EXOC3L4: variants seen among roughly 807,000 people sequenced by gnomAD.
EXOC3L4 encodes exocyst complex component 3 like 4, also known as exocyst complex component 3-like protein 4.
Under a neutral mutation model 69.7 loss-of-function variants are expected in EXOC3L4, and 62 were observed. That is an observed-to-expected ratio of 0.89 (90% CI 0.72 to 1.10). The LOEUF (loss-of-function observed/expected upper bound fraction) is 1.10, where lower values mean the gene tolerates loss of function less well. Among genes scored for constraint, EXOC3L4 ranks in the 50% least tolerant of loss-of-function variants. The pLI is 0.00. For missense variants in EXOC3L4, 1,087 were observed against 1,034.8 expected (o/e 1.05, Z -0.69); for synonymous variants, 502 against 464.2 (o/e 1.08, Z -1.05).
intron 11 of EXOC3L4, among the ~76,000 whole-genome samples, chr14:103,109,200 G>GCCCCCA (rs1890766537): frequency 9.5e-5 from 5 of 52,714 alleles, no homozygotes; most frequent in East Asian, 1.1e-3. Flanking sequence ...TCGCCACCCT[G>GCCCCCA]TCCCCATGTC....
Position 103,110,229 on chromosome 14 carries a change from T to G in EXOC3L4, c.*6T>G. ...TGCTGATCACCTGCGTCTAGTTCTCTCTGGCTCGAGGGGGGGCCGGCCGCT... is the reference window on the plus strand; with the variant it reads ...TGCTGATCACCTGCGTCTAGTTCTCGCTGGCTCGAGGGGGGGCCGGCCGCT... On this transcript the variant is annotated 3_prime_UTR_variant, in exon 12 of 12. Transcript: ENST00000688303. 2 of 1,500,976 alleles carry G rather than the reference T, an allele frequency of 1.3e-6. No individual in the cohort carries two copies. The highest frequency in any genetic ancestry group is 1.8e-6 in the Non-Finnish European group (2 of 1,123,872). 93.0% of individuals were successfully genotyped at this position (1,500,976 alleles called of 1,614,324 possible). A position where few individuals can be genotyped will look rare whatever the true frequency, so the allele number is the denominator to read the frequency against.
rs773662221 is a variant in EXOC3L4 at position 103,100,335 on chromosome 14, A to G, written c.116A>G (p.Asn39Ser). 15 of 1,596,716 alleles carry G rather than the reference A, an allele frequency of 9.4e-6. No individual in the cohort carries two copies. Among genetic ancestry groups the G allele is most frequent in the South Asian group, 2.3e-5 (2 of 88,860 alleles). Residue 39 changes from asparagine (N) to serine (S), a missense_variant, in exon 2 of 12, where the codon AAT becomes AGT. Asn to Ser is a conservative substitution (Grantham distance 46). Coordinates refer to ENST00000688303, the MANE Select transcript of EXOC3L4 (RefSeq NM_001077594.2). ...SRRTSSRKEP[N>S]AHRKDGTRLG... ...CGAACAAGCAGCAGGAAAGAGCCCA[A>G]TGCCCACCGCAAGGATGGCACAAGG...
At chr14:103,103,882 G>A (rs1890368811) in intron 3 of EXOC3L4, 59 bp from the exon 4 acceptor site, 23 of 1,201,032 alleles carry the variant, frequency 1.9e-5, no homozygotes, top group Non-Finnish European at 2.6e-5. Context: ...GCCAGAAGAG[G>A]GGCAGCGGCT....
chr14:103,102,366 G>A lies in EXOC3L4; in HGVS notation c.643G>A (p.Ala215Thr). ...GVDAAALAEL[A>T]RVVSAEEEAH... Reference sequence around the variant, plus strand: ...GGACGCGGCCGCGCTGGCCGAGCTGGCCCGCGTGGTGAGCGCGGAGGAGGA... The same window carrying A: ...GGACGCGGCCGCGCTGGCCGAGCTGACCCGCGTGGTGAGCGCGGAGGAGGA... Residue 215 changes from alanine to threonine, a missense_variant, in exon 3 of 12, where the codon GCC (alanine) becomes ACC (threonine). Coordinates refer to ENST00000688303, the MANE Select transcript of EXOC3L4 (RefSeq NM_001077594.2). The A allele has an allele frequency of 1.3e-6, 2 of 1,562,148 alleles. No individual in the cohort carries two copies. The highest frequency in any genetic ancestry group is 1.8e-5 in the Admixed American group (1 of 55,118).
chr14:103,110,212 A>G lies in EXOC3L4; in HGVS notation c.2158A>G (p.Thr720Ala), dbSNP rs1170584325. Reference protein sequence around the residue: ...KVPSAMAVLITCV With the variant: ...KVPSAMAVLIACV ...GCCCAGTGCCATGGCTGTGCTGATC[A>G]CCTGCGTCTAGTTCTCTCTGGCTCG... The change falls in exon 12 of 12, where the codon ACC becomes GCC. Residue 720 changes from threonine (T) to alanine (A), a missense_variant. By Grantham distance (58) the Thr-to-Ala change is moderately conservative (BLOSUM62 0). Coordinates refer to ENST00000688303, the MANE Select transcript of EXOC3L4 (RefSeq NM_001077594.2). 2 of 1,506,106 alleles carry G rather than the reference A, an allele frequency of 1.3e-6. No individual in the cohort carries two copies. Among genetic ancestry groups the G allele is most frequent in the East Asian group, 5.0e-5 (2 of 40,358 alleles). 93.3% of individuals were successfully genotyped at this position (1,506,106 alleles called of 1,614,324 possible). A position where few individuals can be genotyped will look rare whatever the true frequency, so the allele number is the denominator to read the frequency against.
chr14:103,106,732 C>T, intron 7 of EXOC3L4, 53 bp from the exon 8 acceptor site: 1 of 1,180,128 alleles, frequency 8.5e-7, no homozygotes, highest in South Asian at 1.4e-5. Flanking sequence ...CGGCTCTATT[C>T]CCCAGCCTGG....
intron 7 of EXOC3L4, among the ~76,000 whole-genome samples, chr14:103,105,309 T>C (rs1466864408): frequency 6.7e-6 from 1 of 150,290 alleles, no homozygotes; most frequent in Admixed American, 6.6e-5. Context: ...TGTGTGTGCA[T>C]GCGTGGAGAG....
Position 103,097,407 on chromosome 14 carries a change from CAG to C in EXOC3L4, c.-17+2574_-17+2575del, listed in dbSNP as rs1424841033. Reference sequence around the variant, plus strand: ...GAGAGACGCAGAGAGAAAAGAGAGCCAGAGAGAGTCCATGGGGGTGTGGGGAG... The same window carrying C: ...GAGAGACGCAGAGAGAAAAGAGAGCCAGAGAGTCCATGGGGGTGTGGGGAG... On this transcript the variant is annotated intron_variant, in intron 1 of 11. Transcript: ENST00000688303. The surrounding 1 kb of genome is among the most constrained non-coding windows in gnomAD (Gnocchi z 4.9). Among the ~76,000 whole-genome samples, 3 of 152,068 alleles carry C rather than the reference CAG, an allele frequency of 2.0e-5. No homozygotes were observed. Among genetic ancestry groups the C allele is most frequent in the African/African-American group, 7.2e-5 (3 of 41,400 alleles).
intron 3 of EXOC3L4, among the ~76,000 whole-genome samples, chr14:103,103,151 G>A (rs746529865): frequency 1.2e-4 from 19 of 152,106 alleles, no homozygotes; most frequent in Non-Finnish European, 2.2e-4. Context: ...ATCACCTGAG[G>A]TCAGGAGTTC....
At position 103,097,504 on chromosome 14, in the gene EXOC3L4, C is replaced by T. The variant is rs966919877; in HGVS notation, c.-17+2664C>T. ...GGGGAGTTGAGAGGGGCCTTCAGGT[C>T]TCAGCCCCGCAGGCGCCAGCATGGC... On this transcript the variant is annotated intron_variant, in intron 1 of 11. Transcript: ENST00000688303. The surrounding 1 kb of genome is among the most constrained non-coding windows in gnomAD (Gnocchi z 4.9). Among the ~76,000 whole-genome samples, 3 of 152,018 alleles carry T rather than the reference C, an allele frequency of 2.0e-5. No individual in the cohort carries two copies. The highest frequency in any genetic ancestry group is 4.4e-5 in the Non-Finnish European group (3 of 67,994).
intron 7 of EXOC3L4, 134 bp from the exon 8 acceptor site, chr14:103,106,639 TGACTCTGCTCGC>T: frequency 3.4e-6 from 2 of 580,230 alleles, no homozygotes; most frequent in Non-Finnish European, 6.1e-6. Flanking sequence ...GTCCCCCACT[TGACTCTGCTCGC>T]AGACAGCTAC....
chr14:103,104,007 G>T lies in EXOC3L4; in HGVS notation c.1116G>T (p.Pro372=), dbSNP rs377657513. The change falls in exon 4 of 12, where the codon CCG becomes CCT. Residue 372 remains proline, a synonymous_variant. Transcript: ENST00000688303. ...PAEPLPPLLA[P]DVWARLESDY... is the part of the protein sequence containing the mutation. ...AGCCGCTGCCTCCGCTCCTGGCGCC[G>T]GACGTGTGGGCCCGACTGGAGAGCG... 461 of 1,577,710 alleles carry T rather than the reference G, an allele frequency of 2.9e-4. 2 individuals are homozygous for T. Among genetic ancestry groups the T allele is most frequent in the Middle Eastern group, 2.7e-3 (16 of 5,950 alleles).
At position 103,106,666 on chromosome 14, in the gene EXOC3L4, G is replaced by A. The variant is rs963757842; in HGVS notation, c.1467-119G>A. ...ACTCTGCTCGCAGACAGCTACAATG[G>A]GGAGCCCCACGGGCTGCCCTTCACA... On this transcript the variant is annotated intron_variant, in intron 7 of 11. Coordinates refer to ENST00000688303, the MANE Select transcript of EXOC3L4 (RefSeq NM_001077594.2). The A allele has an allele frequency of 6.6e-6, 4 of 610,112 alleles. No individual in the cohort carries two copies. The Admixed American group carries it at 9.8e-5, about 15-fold the overall frequency. 37.8% of individuals were successfully genotyped at this position (610,112 alleles called of 1,614,324 possible). A position where few individuals can be genotyped will look rare whatever the true frequency, so the allele number is the denominator to read the frequency against.
rs776780047 is a variant in EXOC3L4, at chr14:103,102,350, C to A, written c.627C>A (p.Ala209=). Residue 209 remains alanine (A), a synonymous_variant, in exon 3 of 12, where the codon GCC becomes GCA. Coordinates refer to ENST00000688303, the MANE Select transcript of EXOC3L4 (RefSeq NM_001077594.2). ...TGGACAGCGACGGTGTGGACGCGGC[C>A]GCGCTGGCCGAGCTGGCCCGCGTGG... ...ETLDSDGVDA[A]ALAELARVVS... 7 of 1,560,884 alleles carry A rather than the reference C, an allele frequency of 4.5e-6. No homozygotes were observed. The highest frequency in any genetic ancestry group is 6.0e-6 in the Non-Finnish European group (7 of 1,159,968).
chr14:103,106,736 A>C, intron 7 of EXOC3L4, 49 bp from the exon 8 acceptor site: 1 of 1,229,058 alleles, frequency 8.1e-7, no homozygotes, highest in East Asian at 2.6e-5. Flanking sequence ...TCTATTCCCC[A>C]GCCTGGTCTC....
At chr14:103,096,518 C>G (rs1336067789) in intron 1 of EXOC3L4, among the ~76,000 whole-genome samples, 2 of 151,244 alleles carry the variant, frequency 1.3e-5, no homozygotes, top group Non-Finnish European at 2.9e-5. Flanking sequence ...ATATCCCGAT[C>G]ATTGTCCCTC....
chr14:103,103,354 C>CAAAAAAAAAAAAAAAAAAAAA (rs3070496), intron 3 of EXOC3L4, among the ~76,000 whole-genome samples: 2 of 94,910 alleles, frequency 2.1e-5, no homozygotes, highest in African/African-American at 8.3e-5. Flanking sequence ...GACTCTGTCT[C>CAAAAAAAAAAAAAAAAAAAAA]AAAAAAAAAA....
intron 1 of EXOC3L4, chr14:103,098,642 C>T (rs1432113061): frequency 1.3e-5 from 2 of 152,238 alleles, no homozygotes; most frequent in South Asian, 2.1e-4. Flanking sequence ...TGTGCTGAAC[C>T]GTTCTCTTCA....
Position 103,102,667 on chromosome 14 carries a change from C to T in EXOC3L4, c.944C>T (p.Ala315Val). 1 of 1,496,800 alleles carries T rather than the reference C, an allele frequency of 6.7e-7. No individual in the cohort carries two copies. The highest frequency in any genetic ancestry group is 2.8e-5 in the East Asian group (1 of 35,244). The allele number at this position is 1,496,800 out of a possible 1,614,324, so 92.7% of individuals were successfully genotyped here. ...CCAGCGTGGGAGGTCTATCTGCGTGCCTTCCACAGCGCCGTGGCCCAGCGC... is the reference window on the plus strand; with the variant it reads ...CCAGCGTGGGAGGTCTATCTGCGTGTCTTCCACAGCGCCGTGGCCCAGCGC... The part of the protein sequence containing the change: ...GFPAWEVYLR[A>V]FHSAVAQRLQ... Residue 315 changes from alanine to valine, a missense_variant, in exon 3 of 12, where the codon GCC (alanine) becomes GTC (valine). Ala to Val is a moderately conservative substitution (Grantham distance 64). Coordinates refer to ENST00000688303, the MANE Select transcript of EXOC3L4 (RefSeq NM_001077594.2).
Sources: gnomAD v4.1 joint callset for allele counts (sites outside exome capture counted in the v4.1 genomes callset) on GRCh38, gnomAD v4.1.1 for gene constraint, Gnocchi (gnomAD v3.1) non-coding constraint, MANE v1.5 for transcripts, NCBI Gene and HGNC (gene_info 2026-07-23, HGNC 2026-07-21) for gene names.